IFRD1: variants seen among roughly 807,000 people sequenced by gnomAD.
IFRD1 encodes interferon related developmental regulator 1.
IFRD1 carries 35 observed loss-of-function variants against 52.9 expected under a neutral mutation model. The observed-to-expected ratio is 0.66, with a 90% CI of 0.51 to 0.88. The LOEUF (loss-of-function observed/expected upper bound fraction) is 0.88. Ranked by LOEUF, IFRD1 falls within the 40% of genes least tolerant of loss-of-function variation. IFRD1 has a pLI of 0.00. For missense variants in IFRD1, 517 were observed against 550.8 expected (o/e 0.94, Z 0.61); for synonymous variants, 184 against 188.4 (o/e 0.98, Z 0.19).
intron 4 of IFRD1, 87 bp downstream of exon 4, chr7:112,457,125 A>C (rs1415645354): frequency 3.7e-6 from 5 of 1,353,966 alleles, no homozygotes; most frequent in Non-Finnish European, 5.3e-6. Flanking sequence ...ATAGCACTGG[A>C]ACACTGGCCC....
At position 112,438,907 on chromosome 7, in the gene IFRD1, C is replaced by T. The variant is rs1368433124; in HGVS notation, c.-181-11601C>T. ...TAATGAAAGTTAGCCACCTGGGATA[C>T]CGTTGACAGAAAAATGGATTCCTCC... On this transcript the variant is annotated intron_variant, in intron 1 of 12. Coordinates refer to the IFRD1 transcript ENST00000005558. 9.9e-5 allele frequency among the ~76,000 whole-genome samples: 15 copies of T among 152,008 alleles called. No individual in the cohort carries two copies. In the East Asian group the frequency reaches 2.9e-3, roughly 29 times the overall value.
At chr7:112,455,153 C>T (rs1313759142) in intron 1 of IFRD1, among the ~76,000 whole-genome samples, 1 of 151,886 alleles carries the variant, frequency 6.6e-6, no homozygotes, top group Non-Finnish European at 1.5e-5. Flanking sequence ...CGGGAGCCAC[C>T]GCGCCCACCT....
intron 1 of IFRD1, chr7:112,435,576 C>T (rs985993214): frequency 7.0e-6 from 1 of 141,858 alleles, no homozygotes; most frequent in African/African-American, 2.5e-5. Flanking sequence ...AGGAGACTGA[C>T]TTGGATTTTA....
chr7:112,441,148 G>A (rs1160846696), intron 1 of IFRD1, among the ~76,000 whole-genome samples: 4 of 151,892 alleles, frequency 2.6e-5, no homozygotes, highest in African/African-American at 7.3e-5. Context: ...CGTGGTGTGC[G>A]CCTGTAATCC....
At chr7:112,464,752 T>G (rs1268727245) in intron 8 of IFRD1, among the ~76,000 whole-genome samples, 2 of 152,190 alleles carry the variant, frequency 1.3e-5, no homozygotes, top group African/African-American at 4.8e-5. Context: ...AATCCTCACT[T>G]GGGAAAATTT....
At chr7:112,464,036 C>CT (rs770696329) in intron 8 of IFRD1, among the ~76,000 whole-genome samples, 4,898 of 125,130 alleles carry the variant, frequency 0.039, 114 homozygotes, top group Middle Eastern at 0.1. Flanking sequence ...TTTTTATTTG[C>CT]TTTTTTTTTT....
intron 1 of IFRD1, among the ~76,000 whole-genome samples, chr7:112,441,662 T>C (rs1388059682): frequency 2.0e-5 from 3 of 152,224 alleles, no homozygotes; most frequent in Non-Finnish European, 4.4e-5. Context: ...CTACTTTTTA[T>C]TCTCTGCTCA....
At chr7:112,445,466 T>C (rs1795006401), upstream of IFRD1, among the ~76,000 whole-genome samples, 1 of 152,182 alleles carries the variant, frequency 6.6e-6, no homozygotes, top group Admixed American at 6.5e-5. Flanking sequence ...CACAAAATGG[T>C]AAAACTAATC....
At chr7:112,431,248 T>C (rs1225054249) in intron 1 of IFRD1, among the ~76,000 whole-genome samples, 2 of 152,208 alleles carry the variant, frequency 1.3e-5, no homozygotes, top group Non-Finnish European at 2.9e-5. Flanking sequence ...TATACTATTG[T>C]TTTAACTATA....
chr7:112,471,254 G>A (rs568551828), intron 9 of IFRD1, among the ~76,000 whole-genome samples: 8 of 152,080 alleles, frequency 5.3e-5, no homozygotes, highest in Non-Finnish European at 1.2e-4. Context: ...GGTAAAGATG[G>A]CCCCATTTTA....
Position 112,462,372 on chromosome 7 carries a change from A to G in IFRD1, c.900A>G (p.Ile300Met). The change falls in exon 8 of 12, where the codon ATA (isoleucine) becomes ATG (methionine). Residue 300 changes from isoleucine (I) to methionine (M), a missense_variant. Ile to Met is a conservative substitution (Grantham distance 10). Coordinates refer to ENST00000403825, the MANE Select transcript of IFRD1 (RefSeq NM_001550.4). ...LALLFELARG[I>M]ESDFFYEDME... ...TTCTCTTTGAATTGGCCAGAGGAAT[A>G]GAGAGTGTAAGTATCTAACTGGCAG... 1 of 1,601,300 alleles carries G rather than the reference A, an allele frequency of 6.2e-7. No homozygotes were observed. The highest frequency in any genetic ancestry group is 8.6e-7 in the Non-Finnish European group (1 of 1,168,674).
At chr7:112,472,720 T>C (rs1795782729) in intron 10 of IFRD1, 46 bp from the exon 11 acceptor site, 1 of 1,129,094 alleles carries the variant, frequency 8.9e-7, no homozygotes, top group Non-Finnish European at 1.4e-6. Flanking sequence ...GAAAAAGAGC[T>C]ATAATGTTTA....
At chr7:112,440,585 T>G (rs547680079) in intron 1 of IFRD1, among the ~76,000 whole-genome samples, 1 of 152,340 alleles carries the variant, frequency 6.6e-6, no homozygotes, top group African/African-American at 2.4e-5. Context: ...GGCAGTTCAC[T>G]CATTCTCCAT....
In IFRD1 at chr7:112,462,278, A is replaced by T. The variant is rs772488118; in HGVS notation, c.806A>T (p.His269Leu). ...EVKKKLEMHF[H>L]KLPSLLSCDD... ...GACTAACTATTTTTTAGGCATTTCC[A>T]TAAGCTTCCAAGCCTCCTCTCTTGT... The change falls in exon 8 of 12, where the codon CAT becomes CTT. Residue 269 changes from histidine (H) to leucine (L), a missense_variant. Transcript: ENST00000403825. 1.9e-6 allele frequency: 3 copies of T among 1,613,486 alleles called. No individual in the cohort carries two copies. The highest frequency in any genetic ancestry group is 1.3e-5 in the African/African-American group (1 of 75,030).
intron 1 of IFRD1, among the ~76,000 whole-genome samples, chr7:112,436,318 C>T (rs1000814803): frequency 1.3e-5 from 2 of 152,174 alleles, no homozygotes; most frequent in Non-Finnish European, 2.9e-5. Flanking sequence ...TGAAAGCTGA[C>T]TGCAACAAAT....
intron 9 of IFRD1, among the ~76,000 whole-genome samples, chr7:112,471,044 T>C (rs1472766840): frequency 2.0e-5 from 3 of 152,222 alleles, no homozygotes; most frequent in South Asian, 4.1e-4. Context: ...GTAAGGATGC[T>C]GATGACTTTA....
Position 112,473,943 on chromosome 7 carries a change from G to A in IFRD1, c.1266+1082G>A, listed in dbSNP as rs574007041. Among the ~76,000 whole-genome samples, 6 of 152,278 alleles carry A rather than the reference G, an allele frequency of 3.9e-5. No individual in the cohort carries two copies. In the South Asian group the frequency reaches 1.2e-3, roughly 32 times the overall value. Reference sequence around the variant, plus strand: ...CGCCACTGGCAACCGCTAATCTGCTGTCTCTGGATTTACTTTTTCTGGAGA... The same window carrying A: ...CGCCACTGGCAACCGCTAATCTGCTATCTCTGGATTTACTTTTTCTGGAGA... On this transcript the variant is annotated intron_variant, in intron 11 of 11. Transcript: ENST00000403825.
chr7:112,458,790 G>A, intron 4 of IFRD1, 71 bp from the exon 5 acceptor site: 1 of 1,380,604 alleles, frequency 7.2e-7, no homozygotes, highest in Non-Finnish European at 1.0e-6. Context: ...GATCAAATTT[G>A]GGAAATAACT....
At chr7:112,454,073 G>C (rs1469783193) in intron 1 of IFRD1, among the ~76,000 whole-genome samples, 1 of 152,122 alleles carries the variant, frequency 6.6e-6, no homozygotes, top group African/African-American at 2.4e-5. Flanking sequence ...TTTATGACTT[G>C]GCAGTCCTTT....
Sources: allele counts gnomAD v4.1 joint callset (sites outside exome capture counted in the v4.1 genomes callset), GRCh38; gene constraint gnomAD v4.1.1; transcripts MANE v1.5; gene names NCBI Gene and HGNC (gene_info 2026-07-23, HGNC 2026-07-21).